Variants in CARM1 observed in about 807,000 individuals in gnomAD.
CARM1 encodes histone-arginine methyltransferase CARM1.
In CARM1, 14 loss-of-function variants were observed where a neutral mutation model predicts 72.7. The ratio of observed to expected loss-of-function variants is 0.19; its 90% CI spans 0.13 to 0.30. The LOEUF is 0.30. Among genes scored for constraint, CARM1 ranks in the 10% least tolerant of loss-of-function variants. The pLI is 1.00. For missense variants in CARM1, 432 were observed against 833.7 expected (o/e 0.52, Z 5.93); for synonymous variants, 333 against 345.5 (o/e 0.96, Z 0.40).
chr19:10,879,813 C>T (rs1165753148), intron 1 of CARM1, among the ~76,000 whole-genome samples: 1 of 152,134 alleles, frequency 6.6e-6, no homozygotes, highest in Non-Finnish European at 1.5e-5. Flanking sequence ...GGGGGTCTCA[C>T]CCTTTTGGCC....
chr19:10,920,080 G>A lies in CARM1; in HGVS notation c.1196+114G>A. 3.8e-6 allele frequency: 3 copies of A among 799,584 alleles called. No individual in the cohort carries two copies. Among genetic ancestry groups the A allele is most frequent in the African/African-American group, 1.7e-5 (1 of 59,328 alleles). The allele number at this position is 799,584 out of a possible 1,614,324, so 49.5% of individuals were successfully genotyped here. The stretch of plus-strand genomic sequence containing the variant: ...TCCAGGTTCCACCATCCCTTCCAAT[G>A]GGAGTGAGAGCCTGTCTCGGAGCAA... On this transcript the variant is annotated intron_variant, in intron 10 of 15. Coordinates refer to ENST00000327064, the MANE Select transcript of CARM1 (RefSeq NM_199141.2). This position sits in a 1 kb window ranked among gnomAD's most constrained non-coding sequence, Gnocchi z 5.3.
intron 1 of CARM1, among the ~76,000 whole-genome samples, chr19:10,885,384 C>G (rs2073933646): frequency 6.6e-6 from 1 of 152,220 alleles, no homozygotes. Context: ...GCAGGTCTTT[C>G]TCCCGCTAAT....
At chr19:10,899,041 T>TG (rs1024618445) in intron 1 of CARM1, among the ~76,000 whole-genome samples, 6 of 150,942 alleles carry the variant, frequency 4.0e-5, no homozygotes, top group African/African-American at 7.3e-5. Context: ...TTGTTTTTTT[T>TG]TTTTTTTTTT....
chr19:10,901,771 G>A (rs139976658), intron 1 of CARM1, among the ~76,000 whole-genome samples: 2 of 151,366 alleles, frequency 1.3e-5, no homozygotes, highest in Admixed American at 6.6e-5. Context: ...ACAAAACCCC[G>A]TCTCTACCAA....
At chr19:10,887,923 G>A (rs2073953620) in intron 1 of CARM1, among the ~76,000 whole-genome samples, 1 of 152,174 alleles carries the variant, frequency 6.6e-6, no homozygotes, top group South Asian at 2.1e-4. Context: ...CTGAAGGCAG[G>A]CCCCAGCCCA....
rs2074024595 is a variant in CARM1, at chr19:10,896,439, AT to A, written c.221-8511del. ...TCCACCAAGAGCTGCCCTCTTCCCCATCCCCATTGCCTCCTGCCTGGCCAGC... is the reference window on the plus strand; with the variant it reads ...TCCACCAAGAGCTGCCCTCTTCCCCACCCCATTGCCTCCTGCCTGGCCAGC... On this transcript the variant is annotated intron_variant, in intron 1 of 15. Transcript: ENST00000327064. The surrounding 1 kb of genome is among the most constrained non-coding windows in gnomAD (Gnocchi z 5.2). 6.6e-6 allele frequency among the ~76,000 whole-genome samples: 1 copy of A among 151,342 alleles called. No individual in the cohort carries two copies. The highest frequency in any genetic ancestry group is 2.4e-5 in the African/African-American group (1 of 41,104).
chr19:10,915,538 C>T lies in CARM1; in HGVS notation c.848-869C>T, dbSNP rs1339339755. Among the ~76,000 whole-genome samples the T allele has an allele frequency of 6.6e-6, 1 of 152,112 alleles. No homozygotes were observed. The highest frequency in any genetic ancestry group is 1.5e-5 in the Non-Finnish European group (1 of 67,984). Reference sequence around the variant, plus strand: ...AGGTTCCTTCCAGGCTGGGTCACTTCCCATGGTGCCCCCAGGTCCCCCAGG... The same window carrying T: ...AGGTTCCTTCCAGGCTGGGTCACTTTCCATGGTGCCCCCAGGTCCCCCAGG... On this transcript the variant is annotated intron_variant, in intron 6 of 15. Transcript: ENST00000327064. This position sits in a 1 kb window ranked among gnomAD's most constrained non-coding sequence, Gnocchi z 4.6.
Position 10,912,121 on chromosome 19 carries a change from A to G in CARM1, c.559-63A>G, listed in dbSNP as rs1486541047. ...CATGATGTGCACATCCCTTATGATC[A>G]CTGTCACCTCCCCATCACCGTCGCC... On this transcript the variant is annotated intron_variant, in intron 4 of 15. Transcript: ENST00000327064. The surrounding 1 kb of genome is among the most constrained non-coding windows in gnomAD (Gnocchi z 4.5). 1.2e-5 allele frequency: 14 copies of G among 1,149,250 alleles called. No homozygotes were observed. The highest frequency in any genetic ancestry group is 3.0e-5 in the African/African-American group (2 of 66,044). 71.2% of individuals were successfully genotyped at this position (1,149,250 alleles called of 1,614,324 possible).
chr19:10,893,401 C>T (rs1026579552), intron 1 of CARM1, among the ~76,000 whole-genome samples: 1 of 151,292 alleles, frequency 6.6e-6, no homozygotes, highest in African/African-American at 2.4e-5. Context: ...TGCAGTGGTG[C>T]GATCTCGGCT....
intron 1 of CARM1, among the ~76,000 whole-genome samples, chr19:10,890,079 C>G (rs12972278): frequency 0.032 from 4,850 of 152,136 alleles, 115 homozygotes; most frequent in Non-Finnish European, 0.044. Context: ...AAGACCCCAT[C>G]TCTACAGAAA....
At chr19:10,892,922 A>G (rs1469038425) in intron 1 of CARM1, among the ~76,000 whole-genome samples, 2 of 152,038 alleles carry the variant, frequency 1.3e-5, no homozygotes, top group Non-Finnish European at 2.9e-5. Flanking sequence ...TTCGGTAAAG[A>G]TGGGGTTTCA....
chr19:10,906,159 GC>G, intron 2 of CARM1, among the ~76,000 whole-genome samples: 1 of 151,138 alleles, frequency 6.6e-6, no homozygotes, highest in East Asian at 1.9e-4. Context: ...TTTTCATATT[GC>G]CCAGGCTGGT....
intron 1 of CARM1, among the ~76,000 whole-genome samples, chr19:10,874,887 T>C (rs2073851267): frequency 6.6e-6 from 1 of 152,050 alleles, no homozygotes; most frequent in Non-Finnish European, 1.5e-5. Flanking sequence ...CCAGGTGTGG[T>C]GGTACCTGCG....
chr19:10,886,095 T>C (rs1288001954), intron 1 of CARM1, among the ~76,000 whole-genome samples: 1 of 150,620 alleles, frequency 6.6e-6, no homozygotes, highest in Non-Finnish European at 1.5e-5. Context: ...TCACTCTTGT[T>C]GCCCAGGCTG....
chr19:10,895,136 G>A (rs907585317), intron 1 of CARM1, among the ~76,000 whole-genome samples: 1 of 150,642 alleles, frequency 6.6e-6, no homozygotes, highest in Non-Finnish European at 1.5e-5. Context: ...AGAGAGTCTC[G>A]CTCTATCACC....
rs749505633 is a variant in CARM1, at chr19:10,915,522, C to T, written c.848-885C>T. Reference sequence around the variant, plus strand: ...GGTCAGCAGGAGCCAGAGGTTCCTTCCAGGCTGGGTCACTTCCCATGGTGC... The same window carrying T: ...GGTCAGCAGGAGCCAGAGGTTCCTTTCAGGCTGGGTCACTTCCCATGGTGC... On this transcript the variant is annotated intron_variant, in intron 6 of 15. Coordinates refer to ENST00000327064, the MANE Select transcript of CARM1 (RefSeq NM_199141.2). This position sits in a 1 kb window ranked among gnomAD's most constrained non-coding sequence, Gnocchi z 4.6. Among the ~76,000 whole-genome samples, 62 of 152,114 alleles carry T rather than the reference C, an allele frequency of 4.1e-4. No homozygotes were observed. Among genetic ancestry groups the T allele is most frequent in the Non-Finnish European group, 6.6e-4 (45 of 67,978 alleles).
In CARM1 at chr19:10,871,756, G is replaced by T; in HGVS notation, c.54G>T (p.Ala18=). The T allele has an allele frequency of 7.3e-6, 8 of 1,098,404 alleles. 1 individual carries two copies. The highest frequency in any genetic ancestry group is 8.9e-6 in the Non-Finnish European group (8 of 902,904). The allele number at this position is 1,098,404 out of a possible 1,614,324, so 68.0% of individuals were successfully genotyped here. The change falls in exon 1 of 16, where the codon GCG becomes GCT. Residue 18 remains alanine (A), a synonymous_variant. Transcript: ENST00000327064. The surrounding 1 kb of genome is among the most constrained non-coding windows in gnomAD (Gnocchi z 5.6). The part of the protein sequence containing the change: ...VGPGAGGAGS[A]VPGGAGPCAT... ...CGGGCGCGGGCGGCGCGGGGTCGGC[G>T]GTCCCGGGCGGCGCGGGGCCCTGCG...
At chr19:10,888,830 G>A (rs1225056067) in intron 1 of CARM1, among the ~76,000 whole-genome samples, 3 of 152,196 alleles carry the variant, frequency 2.0e-5, no homozygotes, top group African/African-American at 4.8e-5. Context: ...GGGGTGCCCC[G>A]TCTCTTTTTC....
chr19:10,880,683 T>C (rs549088763), intron 1 of CARM1, among the ~76,000 whole-genome samples: 2 of 152,290 alleles, frequency 1.3e-5, no homozygotes, highest in South Asian at 2.1e-4. Flanking sequence ...ATCTGGTCTG[T>C]GGATGGCCCC....
Sources: allele counts gnomAD v4.1 joint callset (sites outside exome capture counted in the v4.1 genomes callset), GRCh38; gene constraint gnomAD v4.1.1; non-coding constraint Gnocchi (gnomAD v3.1); transcripts MANE v1.5; gene names NCBI Gene and HGNC (gene_info 2026-07-23, HGNC 2026-07-21).